The following GALNT13 variants were observed in gnomAD, a reference collection of about 807,000 sequenced individuals.
GALNT13 encodes the protein UDP-GalNAc:polypeptide N-acetylgalactosaminyltransferase 13.
A neutral mutation model predicts 64.2 loss-of-function variants in GALNT13; 28 were observed. That is an observed-to-expected ratio of 0.44 (90% CI 0.32 to 0.60). GALNT13 has a LOEUF of 0.60. Ranked by LOEUF, GALNT13 falls within the 20% of genes least tolerant of loss-of-function variation. The probability of loss-of-function intolerance (pLI) is 0.05; values close to 1 mark genes in which losing one functional copy is unlikely to be tolerated. For synonymous variants in GALNT13, 214 were observed against 224.6 expected (o/e 0.95, Z 0.42); for missense variants, 577 against 669.8 (o/e 0.86, Z 1.53).
chr2:154,065,834 A>G (rs1423618714), intron 3 of GALNT13, among the ~76,000 whole-genome samples: 2 of 152,188 alleles, frequency 1.3e-5, no homozygotes, highest in Non-Finnish European at 2.9e-5. Flanking sequence ...ACAAATATCC[A>G]CAAGAATCAA....
chr2:154,241,868 C>T (rs1689504995), intron 4 of GALNT13, among the ~76,000 whole-genome samples, 162 bp from the exon 5 acceptor site: 1 of 152,158 alleles, frequency 6.6e-6, no homozygotes, highest in Non-Finnish European at 1.5e-5. Context: ...CAACTGATTA[C>T]TCACAGCAGT....
the GALNT13 span, among the ~76,000 whole-genome samples, chr2:153,386,614 A>C: frequency 6.6e-6 from 1 of 152,022 alleles, no homozygotes; most frequent in Non-Finnish European, 1.5e-5. Flanking sequence ...AAGAAGGGGT[A>C]TGTTCTATCC....
the GALNT13 span, among the ~76,000 whole-genome samples, chr2:153,347,437 A>C: frequency 6.6e-6 from 1 of 152,228 alleles, no homozygotes; most frequent in African/African-American, 2.4e-5. Flanking sequence ...ATAAGTTTAT[A>C]ATGAATTTCA....
rs573249365 is a variant in GALNT13 at position 154,100,671 on chromosome 2, T to G, written c.143-39666T>G. ...TGAAGAGAGATAATTTCACTTGCCGTTTTCCAATATGAATGCCTTTTATTT... is the reference window on the plus strand; with the variant it reads ...TGAAGAGAGATAATTTCACTTGCCGGTTTCCAATATGAATGCCTTTTATTT... On this transcript the variant is annotated intron_variant, in intron 3 of 12. Coordinates refer to ENST00000392825, the MANE Select transcript of GALNT13 (RefSeq NM_052917.4). Among the ~76,000 whole-genome samples the G allele has an allele frequency of 6.4e-4, 97 of 152,204 alleles. 1 individual carries two copies. The highest frequency in any genetic ancestry group is 4.6e-3 in the South Asian group (22 of 4,822).
At chr2:153,466,460 T>TTA in the GALNT13 span, among the ~76,000 whole-genome samples, 1 of 151,612 alleles carries the variant, frequency 6.6e-6, no homozygotes, top group Non-Finnish European at 1.5e-5. Flanking sequence ...GTTTTTTTTT[T>TTA]AATATATCTG....
At chr2:153,293,414 G>C in the GALNT13 span, among the ~76,000 whole-genome samples, 1 of 151,982 alleles carries the variant, frequency 6.6e-6, no homozygotes, top group Non-Finnish European at 1.5e-5. Context: ...TGAGAGAGGG[G>C]GAGATTTGAA....
At chr2:153,293,698 G>A in the GALNT13 span, among the ~76,000 whole-genome samples, 179 of 152,222 alleles carry the variant, frequency 1.2e-3, no homozygotes, top group African/African-American at 4.1e-3. Flanking sequence ...TTGAAACATA[G>A]TAGAGTTAAT....
At chr2:153,653,368 C>T in the GALNT13 span, among the ~76,000 whole-genome samples, 27 of 152,132 alleles carry the variant, frequency 1.8e-4, no homozygotes, top group African/African-American at 3.1e-4. Flanking sequence ...ATAAACCTTT[C>T]GCATTCATTC....
intron 4 of GALNT13, among the ~76,000 whole-genome samples, chr2:154,217,750 ATAAAT>A (rs1415615906): frequency 2.0e-5 from 3 of 152,226 alleles, no homozygotes; most frequent in Non-Finnish European, 4.4e-5. Context: ...TAAAAAGAAA[ATAAAT>A]TAAAACTGCA....
At chr2:154,376,491 C>T (rs1312756130) in intron 9 of GALNT13, among the ~76,000 whole-genome samples, 1 of 151,986 alleles carries the variant, frequency 6.6e-6, no homozygotes, top group African/African-American at 2.4e-5. Context: ...GAATTAATGC[C>T]TTTATTTAAA....
chr2:154,242,584 C>G, intron 5 of GALNT13, 114 bp from the exon 6 acceptor site: 1 of 662,430 alleles, frequency 1.5e-6, no homozygotes, highest in Non-Finnish European at 2.6e-6. Flanking sequence ...GCAGTAAATA[C>G]TGATAGGAAT....
intron 3 of GALNT13, among the ~76,000 whole-genome samples, chr2:154,105,058 C>G (rs1440929613): frequency 6.6e-6 from 1 of 152,158 alleles, no homozygotes. Context: ...CAAAGAATTA[C>G]TTCCACCTAC....
At chr2:153,809,139 A>C in the GALNT13 span, among the ~76,000 whole-genome samples, 1 of 152,140 alleles carries the variant, frequency 6.6e-6, no homozygotes, top group South Asian at 2.1e-4. Context: ...GGTAAAATCT[A>C]TTCTTGCTTC....
At chr2:153,911,013 A>G (rs548572952) in intron 2 of GALNT13, among the ~76,000 whole-genome samples, 1 of 152,294 alleles carries the variant, frequency 6.6e-6, no homozygotes, top group South Asian at 2.1e-4. Context: ...CAGTACTGTC[A>G]GTGGAGTGTT....
the GALNT13 span, among the ~76,000 whole-genome samples, chr2:153,211,878 G>A: frequency 2.0e-5 from 3 of 152,168 alleles, no homozygotes; most frequent in Non-Finnish European, 4.4e-5. Context: ...AACACCTTGT[G>A]TTGTTAGATG....
chr2:154,277,461 G>T (rs1691711737), intron 8 of GALNT13, among the ~76,000 whole-genome samples: 1 of 152,132 alleles, frequency 6.6e-6, no homozygotes, highest in African/African-American at 2.4e-5. Context: ...GTCACACTTA[G>T]TGATGTCTAT....
At chr2:153,960,961 A>G (rs1211593731) in intron 3 of GALNT13, among the ~76,000 whole-genome samples, 1 of 152,226 alleles carries the variant, frequency 6.6e-6, no homozygotes, top group African/African-American at 2.4e-5. Context: ...AGGAGAAAGA[A>G]AGATTTTTGT....
chr2:153,671,169 G>A, the GALNT13 span, among the ~76,000 whole-genome samples: 1 of 152,204 alleles, frequency 6.6e-6, no homozygotes, highest in South Asian at 2.1e-4. Context: ...TAGCAAGGCA[G>A]GCCAACATCC....
intron 3 of GALNT13, among the ~76,000 whole-genome samples, chr2:154,080,742 T>C (rs1218668864): frequency 6.6e-6 from 1 of 151,622 alleles, no homozygotes; most frequent in East Asian, 1.9e-4. Flanking sequence ...TCAAATAATA[T>C]TATCAATGCA....
Sources: allele counts gnomAD v4.1 joint callset (sites outside exome capture counted in the v4.1 genomes callset), GRCh38; gene constraint gnomAD v4.1.1; transcripts MANE v1.5; gene names NCBI Gene and HGNC (gene_info 2026-07-23, HGNC 2026-07-21).